ACOXL: variants seen among roughly 807,000 people sequenced by gnomAD.
ACOXL encodes acyl-coenzyme A oxidase-like protein.
In ACOXL, 70 loss-of-function variants were observed where a neutral mutation model predicts 71.9. The observed-to-expected ratio is 0.97, with a 90% confidence interval of 0.80 to 1.19. The LOEUF (loss-of-function observed/expected upper bound fraction) is 1.19. Among genes scored for constraint, ACOXL ranks in the 50% most tolerant of loss-of-function variants. ACOXL has a pLI of 0.00. For missense variants in ACOXL, 703 were observed against 736.3 expected (o/e 0.95, Z 0.52); for synonymous variants, 253 against 281.6 (o/e 0.90, Z 1.02).
chr2:111,049,370 G>A lies in ACOXL; in HGVS notation c.1440+82G>A, dbSNP rs569158145. The A allele has an allele frequency of 4.9e-5, 54 of 1,107,130 alleles. No homozygotes were observed. In the Middle Eastern group the frequency reaches 7.9e-4, roughly 16 times the overall value. 68.6% of individuals were successfully genotyped at this position (1,107,130 alleles called of 1,614,324 possible). ...TGAGGAGAGTTTCATTTTTACAAGC[G>A]GGAGTAAATTTATCATGTCTGAATC... On this transcript the variant is annotated intron_variant, in intron 16 of 17. Transcript: ENST00000439055.
rs541260403 is a variant in ACOXL, at chr2:110,916,419, G to A, written c.905+7514G>A. 6.6e-5 allele frequency among the ~76,000 whole-genome samples: 10 copies of A among 152,034 alleles called. No individual in the cohort carries two copies. The South Asian group carries it at 1.9e-3, about 28-fold the overall frequency. On this transcript the variant is annotated intron_variant, in intron 11 of 17. Transcript: ENST00000439055. ...GGGACACAGCTATAGCAATGTTTAG[G>A]GGGAAATTTATAGCACTAAATGCCC...
At chr2:110,766,562 A>AT (rs1182441167) in intron 1 of ACOXL, among the ~76,000 whole-genome samples, 2 of 152,144 alleles carry the variant, frequency 1.3e-5, no homozygotes, top group African/African-American at 4.8e-5. Flanking sequence ...CCGGTATGGG[A>AT]TGGAAGGTCA....
At chr2:110,924,750 T>G (rs1289201761) in intron 11 of ACOXL, among the ~76,000 whole-genome samples, 1 of 130,948 alleles carries the variant, frequency 7.6e-6, no homozygotes. Flanking sequence ...CAACTTCTTC[T>G]GAACTGCTAA....
At chr2:110,974,834 C>A (rs754746233) in intron 12 of ACOXL, among the ~76,000 whole-genome samples, 25 of 152,160 alleles carry the variant, frequency 1.6e-4, no homozygotes, top group Non-Finnish European at 2.9e-4. Context: ...TTTCTCCAAT[C>A]AGAAGGGAGC....
chr2:110,765,463 T>A (rs920698634), intron 1 of ACOXL, among the ~76,000 whole-genome samples: 6 of 152,234 alleles, frequency 3.9e-5, no homozygotes, highest in Admixed American at 6.5e-5. Context: ...GAAATATTTG[T>A]CTTATTTTTC....
At chr2:111,023,299 G>A (rs576756526) in intron 14 of ACOXL, among the ~76,000 whole-genome samples, 2 of 152,274 alleles carry the variant, frequency 1.3e-5, no homozygotes, top group Admixed American at 6.5e-5. Flanking sequence ...CTGGGGCTAG[G>A]TACAAGGGGA....
intron 13 of ACOXL, among the ~76,000 whole-genome samples, chr2:110,992,559 A>G (rs1053138428): frequency 6.6e-6 from 1 of 152,190 alleles, no homozygotes; most frequent in African/African-American, 2.4e-5. Flanking sequence ...GTGGGCACCC[A>G]TTTGTCCGCA....
At chr2:110,852,348 G>A (rs1001471876) in intron 10 of ACOXL, among the ~76,000 whole-genome samples, 11 of 148,514 alleles carry the variant, frequency 7.4e-5, no homozygotes, top group South Asian at 2.4e-4. Flanking sequence ...CAGGCTGCGC[G>A]TGGGGGCCCT....
In ACOXL at chr2:111,022,847, GAAGAA is replaced by G. The variant is rs200105536; in HGVS notation, c.1282-8776_1282-8772del. Among the ~76,000 whole-genome samples the G allele has an allele frequency of 7.2e-3, 1,102 of 152,268 alleles. 1 individual carries two copies. The highest frequency in any genetic ancestry group is 0.012 in the Non-Finnish European group (790 of 68,004). On this transcript the variant is annotated intron_variant, in intron 14 of 17. Coordinates refer to ENST00000439055, the MANE Select transcript of ACOXL (RefSeq NM_001142807.4). ...CGACACTTACTACAGAAAGGAAAGA[GAAGAA>G]AAGGAAGGAGAAGGAGGAAGAAAAA...
At chr2:110,774,567 A>G (rs1248529886) in intron 2 of ACOXL, among the ~76,000 whole-genome samples, 1 of 152,238 alleles carries the variant, frequency 6.6e-6, no homozygotes, top group East Asian at 1.9e-4. Flanking sequence ...AAACAATTCT[A>G]CTTATCATAG....
chr2:110,821,174 T>G (rs963420214), intron 9 of ACOXL, among the ~76,000 whole-genome samples: 1 of 152,210 alleles, frequency 6.6e-6, no homozygotes, highest in Non-Finnish European at 1.5e-5. Flanking sequence ...GGCCCTGCCC[T>G]TCCTCAGTTT....
intron 17 of ACOXL, among the ~76,000 whole-genome samples, chr2:111,098,007 ACCT>A (rs1197540203): frequency 6.6e-6 from 1 of 152,208 alleles, no homozygotes; most frequent in Non-Finnish European, 1.5e-5. Flanking sequence ...CAATGGAGAA[ACCT>A]GGTAGATCCT....
At chr2:110,998,062 C>T (rs186335322) in intron 14 of ACOXL, among the ~76,000 whole-genome samples, 32 of 151,892 alleles carry the variant, frequency 2.1e-4, no homozygotes, top group African/African-American at 6.8e-4. Context: ...AAAAATAATA[C>T]GGAAGCTAAA....
chr2:111,100,880 G>A (rs2069107065), intron 17 of ACOXL: 1 of 152,658 alleles, frequency 6.6e-6, no homozygotes, highest in Non-Finnish European at 1.5e-5. Context: ...GCCTGCTGAT[G>A]ACATGTGATT....
intron 14 of ACOXL, among the ~76,000 whole-genome samples, chr2:111,003,709 C>G (rs545404663): frequency 1.3e-5 from 2 of 152,068 alleles, no homozygotes; most frequent in African/African-American, 4.8e-5. Flanking sequence ...TTAAAAAGCA[C>G]TAAAAATTAT....
chr2:110,836,130 A>C (rs1012309530), intron 9 of ACOXL, among the ~76,000 whole-genome samples: 3 of 152,162 alleles, frequency 2.0e-5, no homozygotes, highest in Admixed American at 2.0e-4. Context: ...TGGGTGTGAT[A>C]GGGTTTGAGA....
At chr2:111,050,434 TTC>T (rs1232712855) in intron 16 of ACOXL, among the ~76,000 whole-genome samples, 1 of 152,186 alleles carries the variant, frequency 6.6e-6, no homozygotes, top group African/African-American at 2.4e-5. Flanking sequence ...CCACGCTTAA[TTC>T]TCTGTTTCCT....
chr2:110,823,831 A>G (rs1177515874), intron 9 of ACOXL, among the ~76,000 whole-genome samples: 9 of 151,880 alleles, frequency 5.9e-5, no homozygotes, highest in Admixed American at 5.9e-4. Flanking sequence ...TTGTTTTCTT[A>G]TTGTTAGTTT....
intron 11 of ACOXL, among the ~76,000 whole-genome samples, chr2:110,925,097 G>T (rs1410953617): frequency 1.3e-5 from 2 of 152,132 alleles, no homozygotes; most frequent in African/African-American, 4.8e-5. Flanking sequence ...TCAACAACAG[G>T]CTTAAAATAT....
Sources: allele counts gnomAD v4.1 joint callset (sites outside exome capture counted in the v4.1 genomes callset), GRCh38; gene constraint gnomAD v4.1.1; transcripts MANE v1.5; gene names NCBI Gene and HGNC (gene_info 2026-07-23, HGNC 2026-07-21).